RPTOR: variants seen among roughly 807,000 people sequenced by gnomAD.
RPTOR encodes regulatory-associated protein of mTOR.
RPTOR carries 21 observed loss-of-function variants against 169.9 expected under a neutral mutation model. The ratio of observed to expected loss-of-function variants is 0.12; its 90% CI spans 0.09 to 0.18. RPTOR has a LOEUF of 0.18. RPTOR is among the 10% of genes least tolerant of loss of function. The pLI is 1.00. For missense variants in RPTOR, 1,133 were observed against 1,855.9 expected, an observed-to-expected ratio of 0.61 and a Z score of 7.16; for synonymous variants, 732 against 753.2, an observed-to-expected ratio of 0.97 and a Z score of 0.46.
chr17:80,686,317 G>C (rs1445197532), intron 3 of RPTOR, among the ~76,000 whole-genome samples: 1 of 151,112 alleles, frequency 6.6e-6, no homozygotes, highest in African/African-American at 2.5e-5. Flanking sequence ...CTCCTGAGTA[G>C]CTGGGACTAC....
intron 25 of RPTOR, among the ~76,000 whole-genome samples, chr17:80,943,504 C>T (rs1363526556): frequency 1.3e-5 from 2 of 152,160 alleles, no homozygotes; most frequent in Non-Finnish European, 2.9e-5. Flanking sequence ...GATTGGATCC[C>T]AGGTTCTACC....
intron 1 of RPTOR, among the ~76,000 whole-genome samples, chr17:80,554,820 T>C (rs1395562820): frequency 2.6e-5 from 4 of 152,044 alleles, no homozygotes; most frequent in African/African-American, 9.7e-5. Context: ...TCTATGAAGC[T>C]GGATATTAAA....
chr17:80,728,860 C>G (rs1443810351), intron 4 of RPTOR, among the ~76,000 whole-genome samples: 1 of 152,078 alleles, frequency 6.6e-6, no homozygotes, highest in African/African-American at 2.4e-5. Context: ...ATTGACATCT[C>G]TAGATCCTTC....
chr17:80,716,095 G>A (rs2066237219), intron 4 of RPTOR, among the ~76,000 whole-genome samples: 1 of 152,210 alleles, frequency 6.6e-6, no homozygotes, highest in Non-Finnish European at 1.5e-5. Context: ...TAGTGGGATT[G>A]CTGGATCAAA....
At chr17:80,846,446 C>T (rs769893546) in intron 10 of RPTOR, 27 bp from the exon 11 acceptor site, 4 of 1,608,066 alleles carry the variant, frequency 2.5e-6, no homozygotes, top group Admixed American at 1.7e-5. Context: ...ATGGCCCTAA[C>T]AAGCACCTGT....
rs1310022448 is a variant in RPTOR at position 80,965,197 on chromosome 17, T to G, written c.*867T>G. ...ACAGCAGCCCGACCTGTGGTCTCCA[T>G]GCCTGTGCCCTCACACAGGTGTAGC... On this transcript the variant is annotated 3_prime_UTR_variant, in exon 34 of 34. Transcript: ENST00000306801. The G allele has an allele frequency of 2.1e-5, 5 of 233,238 alleles. No homozygotes were observed. The highest frequency in any genetic ancestry group is 4.2e-5 in the Non-Finnish European group (5 of 118,062). 14.4% of individuals were successfully genotyped at this position (233,238 alleles called of 1,614,324 possible). A position where few individuals can be genotyped will look rare whatever the true frequency, so the allele number is the denominator to read the frequency against.
intron 6 of RPTOR, among the ~76,000 whole-genome samples, chr17:80,776,226 TA>T (rs1262348284): frequency 6.6e-6 from 1 of 152,060 alleles, no homozygotes; most frequent in Non-Finnish European, 1.5e-5. Flanking sequence ...AAAATAATAA[TA>T]TTTTCTTATT....
In RPTOR at chr17:80,864,580, CTT is replaced by C. The variant is rs1398286986; in HGVS notation, c.1509+6683_1509+6684del. Reference sequence around the variant, plus strand: ...TTTCCAAATGGAGGCAAAATAAAGACTTTTAAAGACATACAAAAGATGAAAGC... The same window carrying C: ...TTTCCAAATGGAGGCAAAATAAAGACTTAAAGACATACAAAAGATGAAAGC... On this transcript the variant is annotated intron_variant, in intron 13 of 33. Transcript: ENST00000306801. Among the ~76,000 whole-genome samples the C allele has an allele frequency of 2.6e-5, 4 of 152,280 alleles. No homozygotes were observed. The South Asian group carries it at 6.2e-4, about 24-fold the overall frequency.
intron 3 of RPTOR, among the ~76,000 whole-genome samples, chr17:80,683,439 G>A (rs1016165646): frequency 3.9e-5 from 6 of 152,224 alleles, no homozygotes; most frequent in South Asian, 2.1e-4. Context: ...TTAAGATGGC[G>A]TCCCCACATT....
chr17:80,636,064 T>C (rs187708791), intron 2 of RPTOR, among the ~76,000 whole-genome samples: 64 of 152,314 alleles, frequency 4.2e-4, no homozygotes, highest in African/African-American at 1.5e-3. Context: ...ATCGAGATTT[T>C]TGTGTTAATC....
Position 80,923,677 on chromosome 17 carries a change from C to T in RPTOR, c.2808+4C>T, listed in dbSNP as rs781177909. 7 of 1,581,606 alleles carry T rather than the reference C, an allele frequency of 4.4e-6. No individual in the cohort carries two copies. The highest frequency in any genetic ancestry group is 4.5e-5 in the East Asian group (2 of 43,960). On this transcript the variant is annotated splice_donor_region_variant and intron_variant, in intron 23 of 33. Coordinates refer to ENST00000306801, the MANE Select transcript of RPTOR (RefSeq NM_020761.3). ...GTTCGACAAGGGCCCAGAGCAGGTA[C>T]GGGAGCCCGGCTGCCTGGTGATCTG... is the stretch of plus-strand genomic sequence containing the variant.
At chr17:80,927,950 G>T (rs1254401665) in intron 24 of RPTOR, among the ~76,000 whole-genome samples, 1 of 152,102 alleles carries the variant, frequency 6.6e-6, no homozygotes, top group Non-Finnish European at 1.5e-5. Context: ...CTGCAGAGGA[G>T]ATTAGTCCAA....
chr17:80,846,421 A>G, intron 10 of RPTOR, 52 bp from the exon 11 acceptor site: 4 of 1,551,074 alleles, frequency 2.6e-6, no homozygotes, highest in Non-Finnish European at 1.8e-6. Flanking sequence ...GGGCAAGACC[A>G]GGCCATCTGG....
Position 80,860,192 on chromosome 17 carries a change from G to A in RPTOR, c.1509+2292G>A, listed in dbSNP as rs946646582. 2.6e-5 allele frequency among the ~76,000 whole-genome samples: 4 copies of A among 152,206 alleles called. No individual in the cohort carries two copies. Among genetic ancestry groups the A allele is most frequent in the Non-Finnish European group, 4.4e-5 (3 of 68,020 alleles). On this transcript the variant is annotated intron_variant, in intron 13 of 33. Coordinates refer to ENST00000306801, the MANE Select transcript of RPTOR (RefSeq NM_020761.3). This position sits in a 1 kb window ranked among gnomAD's most constrained non-coding sequence, Gnocchi z 5.8. Reference sequence around the variant, plus strand: ...GTCCAGTCACTGGCACTGAGACCCAGCCTCATCCTTAGCCCTGTCAGCCAT... The same window carrying A: ...GTCCAGTCACTGGCACTGAGACCCAACCTCATCCTTAGCCCTGTCAGCCAT...
chr17:80,676,588 G>A (rs995152151), intron 3 of RPTOR, among the ~76,000 whole-genome samples: 3 of 152,220 alleles, frequency 2.0e-5, no homozygotes, highest in African/African-American at 4.8e-5. Context: ...TGGACCGGGT[G>A]TGCCAGCATC....
intron 3 of RPTOR, among the ~76,000 whole-genome samples, chr17:80,685,844 G>A (rs979654605): frequency 1.7e-4 from 25 of 151,022 alleles, no homozygotes; most frequent in East Asian, 7.9e-4. Flanking sequence ...CCCCAGAGTC[G>A]TCCTGGGAGC....
intron 3 of RPTOR, among the ~76,000 whole-genome samples, chr17:80,673,919 G>A (rs987937521): frequency 1.3e-5 from 2 of 152,224 alleles, no homozygotes; most frequent in African/African-American, 4.8e-5. Flanking sequence ...TCTTCACTTA[G>A]GGCATGAACT....
intron 6 of RPTOR, among the ~76,000 whole-genome samples, chr17:80,768,154 G>A (rs72852717): frequency 0.033 from 5,019 of 152,238 alleles, 116 homozygotes; most frequent in South Asian, 0.062. Context: ...GAGCCACCGC[G>A]CCTGACCACG....
intron 1 of RPTOR, among the ~76,000 whole-genome samples, chr17:80,608,481 A>G (rs1371219763): frequency 1.3e-5 from 2 of 152,196 alleles, no homozygotes; most frequent in Admixed American, 6.5e-5. Context: ...CCGATAATCC[A>G]GATTACGTCT....
Sources: allele counts gnomAD v4.1 joint callset (sites outside exome capture counted in the v4.1 genomes callset), GRCh38; gene constraint gnomAD v4.1.1; non-coding constraint Gnocchi (gnomAD v3.1); transcripts MANE v1.5; gene names NCBI Gene and HGNC (gene_info 2026-07-23, HGNC 2026-07-21).